Variants in SYN2 observed in about 807,000 individuals in gnomAD.
The protein encoded by SYN2 is synapsin-2.
SYN2 carries 19 observed loss-of-function variants against 50.9 expected under a neutral mutation model. The observed-to-expected ratio is 0.37, with a 90% CI of 0.26 to 0.55. SYN2 has a LOEUF of 0.55. SYN2 is among the 20% of genes least tolerant of loss of function. The pLI is 0.81. For synonymous variants in SYN2, 255 were observed against 224.9 expected (o/e 1.13, Z -1.20); for missense variants, 587 against 576.4 (o/e 1.02, Z -0.19).
chr3:12,014,514 A>G (rs1470999349), intron 1 of SYN2, among the ~76,000 whole-genome samples: 3 of 152,200 alleles, frequency 2.0e-5, no homozygotes, highest in African/African-American at 4.8e-5. Flanking sequence ...GCAGCCCACA[A>G]TACTGGAAAG....
chr3:12,187,030 T>C, intron 11 of SYN2, among the ~76,000 whole-genome samples: 1 of 152,162 alleles, frequency 6.6e-6, no homozygotes, highest in East Asian at 1.9e-4. Flanking sequence ...GGGTGGTCTG[T>C]GCCTGAGACA....
chr3:12,171,711 A>T (rs750283176), intron 10 of SYN2, among the ~76,000 whole-genome samples: 7 of 152,202 alleles, frequency 4.6e-5, no homozygotes, highest in Non-Finnish European at 8.8e-5. Context: ...GGGTAGGTTT[A>T]TTCCCATTTC....
At chr3:12,056,787 G>C (rs1283852014) in intron 1 of SYN2, among the ~76,000 whole-genome samples, 1 of 152,106 alleles carries the variant, frequency 6.6e-6, no homozygotes, top group African/African-American at 2.4e-5. Context: ...AGTGTGGGTG[G>C]TATACCAATG....
At chr3:12,144,609 G>C (rs1697102414) in intron 3 of SYN2, among the ~76,000 whole-genome samples, 1 of 152,334 alleles carries the variant, frequency 6.6e-6, no homozygotes, top group South Asian at 2.1e-4. Flanking sequence ...CTTAAGATGT[G>C]AGAGTCTAAA....
intron 12 of SYN2, 100 bp downstream of exon 12, chr3:12,187,712 C>T: frequency 7.0e-7 from 1 of 1,421,032 alleles, no homozygotes; most frequent in Non-Finnish European, 9.3e-7. Context: ...CAGGTCTCCT[C>T]CTACAGATAT....
rs1279796357 is a variant in SYN2 at position 12,004,619 on chromosome 3, T to G, written c.68T>G (p.Met23Arg). ...SFIANLPNGY[M>R]TDLQRPEPQQ... The stretch of plus-strand genomic sequence containing the variant: ...ATCGCCAACCTGCCCAACGGCTACA[T>G]GACCGACCTGCAGCGGCCCGAGCCC... The change falls in exon 1 of 13, where the codon ATG becomes AGG. Residue 23 changes from methionine to arginine, a missense_variant. Transcript: ENST00000621198. The G allele has an allele frequency of 8.2e-6, 5 of 610,964 alleles. No individual in the cohort carries two copies. Among genetic ancestry groups the G allele is most frequent in the Non-Finnish European group, 1.5e-5 (5 of 327,000 alleles). 37.8% of individuals were successfully genotyped at this position (610,964 alleles called of 1,614,324 possible). A position where few individuals can be genotyped will look rare whatever the true frequency, so the allele number is the denominator to read the frequency against.
intron 1 of SYN2, among the ~76,000 whole-genome samples, chr3:12,081,878 C>T (rs530301818): frequency 6.6e-6 from 1 of 152,222 alleles, no homozygotes; most frequent in South Asian, 2.1e-4. Context: ...CTATAGCTCA[C>T]ATTGTTCGTT....
At chr3:12,175,583 C>T (rs1036515348) in intron 10 of SYN2, among the ~76,000 whole-genome samples, 1 of 152,226 alleles carries the variant, frequency 6.6e-6, no homozygotes, top group Non-Finnish European at 1.5e-5. Context: ...CCAGGACAGA[C>T]CTGTGGCTAG....
intron 9 of SYN2, among the ~76,000 whole-genome samples, chr3:12,169,402 T>G (rs1166297489): frequency 6.6e-6 from 1 of 152,056 alleles, no homozygotes; most frequent in Non-Finnish European, 1.5e-5. Flanking sequence ...TAATCAGAGA[T>G]TTAAGGGGAT....
In SYN2 at chr3:12,167,300, G is replaced by A. The variant is rs375170939; in HGVS notation, c.1047G>A (p.Met349Ile). ...CTGCGATGCTGGAGCAGATTGCCAT[G>A]TCAGACAGGTGAGTTGAGAGAAGGA... Reference protein sequence around the residue: ...TGSAMLEQIAMSDRYKLWVDT... With the variant: ...TGSAMLEQIAISDRYKLWVDT... Residue 349 changes from methionine to isoleucine, a missense_variant, in exon 8 of 13, where the codon ATG (methionine) becomes ATA (isoleucine). Transcript: ENST00000621198. 1.0e-4 allele frequency: 169 copies of A among 1,612,024 alleles called. No individual in the cohort carries two copies. Among genetic ancestry groups the A allele is most frequent in the Non-Finnish European group, 1.3e-4 (157 of 1,179,292 alleles).
intron 1 of SYN2, among the ~76,000 whole-genome samples, chr3:12,058,012 C>T (rs1329156074): frequency 2.6e-5 from 4 of 152,160 alleles, no homozygotes; most frequent in Non-Finnish European, 5.9e-5. Flanking sequence ...AACCCTTCTC[C>T]ATCAGAATCT....
intron 1 of SYN2, among the ~76,000 whole-genome samples, chr3:12,122,371 A>C: frequency 6.6e-6 from 1 of 152,224 alleles, no homozygotes; most frequent in Non-Finnish European, 1.5e-5. Flanking sequence ...CTCGAGGCTG[A>C]AAATAAAAGC....
chr3:12,185,288 T>C, intron 11 of SYN2: 1 of 985,168 alleles, frequency 1.0e-6, no homozygotes, highest in Non-Finnish European at 1.2e-6. Flanking sequence ...GTCCAAGCGA[T>C]GAGCTGACGG....
chr3:12,110,394 C>T (rs1186178210), intron 1 of SYN2, among the ~76,000 whole-genome samples: 1 of 152,120 alleles, frequency 6.6e-6, no homozygotes, highest in Non-Finnish European at 1.5e-5. Flanking sequence ...CTTTTCCGGG[C>T]ACTTGGTGCA....
At chr3:12,125,559 G>A (rs1696651680) in intron 1 of SYN2, among the ~76,000 whole-genome samples, 2 of 152,084 alleles carry the variant, frequency 1.3e-5, no homozygotes, top group Admixed American at 1.3e-4. Context: ...AATTTCATTA[G>A]GTTTTAATTA....
At chr3:12,007,455 T>C (rs1422292759) in intron 1 of SYN2, among the ~76,000 whole-genome samples, 1 of 152,132 alleles carries the variant, frequency 6.6e-6, no homozygotes, top group African/African-American at 2.4e-5. Context: ...AAAGTCTCTA[T>C]GAGTTAAGGA....
intron 1 of SYN2, among the ~76,000 whole-genome samples, chr3:12,095,108 C>T (rs192530072): frequency 9.9e-5 from 15 of 152,118 alleles, no homozygotes; most frequent in Admixed American, 3.3e-4. Context: ...ACTAGTTTGA[C>T]GAAAGCCAAA....
chr3:12,124,068 C>A (rs1696616184), intron 1 of SYN2, among the ~76,000 whole-genome samples: 1 of 151,834 alleles, frequency 6.6e-6, no homozygotes, highest in African/African-American at 2.4e-5. Context: ...GAAAGGACTA[C>A]AAAAAGTAGA....
At chr3:12,184,243 A>G (rs2124835463) in intron 11 of SYN2, 1 of 985,918 alleles carries the variant, frequency 1.0e-6, no homozygotes, top group African/African-American at 1.7e-5. Context: ...CTGATGTGCA[A>G]TATCAAAGTG....
Sources: gnomAD v4.1 joint callset for allele counts (sites outside exome capture counted in the v4.1 genomes callset) on GRCh38, gnomAD v4.1.1 for gene constraint, MANE v1.5 for transcripts, NCBI Gene and HGNC (gene_info 2026-07-23, HGNC 2026-07-21) for gene names.